Variants in PTPRT observed in about 807,000 individuals in gnomAD.
The protein encoded by PTPRT is protein tyrosine phosphatase receptor type T, also known as receptor-type tyrosine-protein phosphatase T.
Under a neutral mutation model 176.8 loss-of-function variants are expected in PTPRT, and 56 were observed. The ratio of observed to expected loss-of-function variants is 0.32; its 90% confidence interval spans 0.26 to 0.40. The LOEUF (loss-of-function observed/expected upper bound fraction) is 0.40. Ranked by LOEUF, PTPRT falls within the 10% of genes least tolerant of loss-of-function variation. The pLI is 1.00. For missense variants in PTPRT, 1,540 were observed against 1,908.2 expected, an observed-to-expected ratio of 0.81 and a Z score of 3.60; for synonymous variants, 783 against 739.0, an observed-to-expected ratio of 1.06 and a Z score of -0.96.
intron 1 of PTPRT, among the ~76,000 whole-genome samples, chr20:42,995,731 A>G (rs979226312): frequency 6.6e-6 from 1 of 152,142 alleles, no homozygotes; most frequent in Non-Finnish European, 1.5e-5. Context: ...TCTAAAAGCA[A>G]GAGCCTCTTG....
intron 1 of PTPRT, among the ~76,000 whole-genome samples, chr20:43,127,518 G>A (rs533961586): frequency 1.3e-4 from 20 of 151,848 alleles, no homozygotes; most frequent in Admixed American, 7.2e-4. Context: ...AGAGAAGCCC[G>A]GAGGTTCAAT....
chr20:42,633,793 AT>A (rs1433991136), intron 7 of PTPRT, among the ~76,000 whole-genome samples: 4 of 59,746 alleles, frequency 6.7e-5, no homozygotes, highest in African/African-American at 3.9e-4. Flanking sequence ...AAATATATAT[AT>A]ATATATATAT....
chr20:42,809,689 G>A (rs755584198), intron 2 of PTPRT, among the ~76,000 whole-genome samples: 3 of 152,074 alleles, frequency 2.0e-5, no homozygotes, highest in Non-Finnish European at 2.9e-5. Flanking sequence ...CCCTGAGGTC[G>A]TCTCTGCCTC....
chr20:42,831,046 G>A (rs561514277), intron 2 of PTPRT, among the ~76,000 whole-genome samples: 104 of 152,138 alleles, frequency 6.8e-4, no homozygotes, highest in Admixed American at 2.3e-3. Flanking sequence ...TATTCATATG[G>A]AACCAAAAGG....
chr20:42,448,443 T>G, intron 8 of PTPRT, 114 bp from the exon 9 acceptor site: 1 of 762,878 alleles, frequency 1.3e-6, no homozygotes, highest in South Asian at 1.6e-5. Context: ...TAGTAAATAT[T>G]TTAGGTCTGA....
chr20:43,051,726 C>G (rs1037652483), intron 1 of PTPRT, among the ~76,000 whole-genome samples: 1 of 150,582 alleles, frequency 6.6e-6, no homozygotes, highest in Admixed American at 6.6e-5. Context: ...AGCTGTATCT[C>G]TCTAGGAAAA....
intron 1 of PTPRT, among the ~76,000 whole-genome samples, chr20:43,166,344 C>T (rs932842202): frequency 6.6e-6 from 1 of 151,214 alleles, no homozygotes; most frequent in Non-Finnish European, 1.5e-5. Flanking sequence ...AAAAAAAAAC[C>T]CTCTATGGAT....
chr20:42,585,549 G>T (rs143524829), intron 7 of PTPRT, among the ~76,000 whole-genome samples: 71 of 152,182 alleles, frequency 4.7e-4, no homozygotes, highest in Non-Finnish European at 7.9e-4. Context: ...AGTCATAATA[G>T]TTAACACTGT....
At chr20:42,037,790 C>A in the PTPRT span, among the ~76,000 whole-genome samples, 1,224 of 152,284 alleles carry the variant, frequency 8.0e-3, 22 homozygotes, top group African/African-American at 0.028. Flanking sequence ...ACACATTTGG[C>A]AAACTCTTCC....
chr20:42,599,610 T>C (rs1192663052), intron 7 of PTPRT, among the ~76,000 whole-genome samples: 5 of 152,042 alleles, frequency 3.3e-5, no homozygotes, highest in Non-Finnish European at 5.9e-5. Flanking sequence ...CCCTCTGCAG[T>C]GGGATGATTT....
intron 7 of PTPRT, among the ~76,000 whole-genome samples, chr20:42,648,202 G>A (rs952297950): frequency 2.6e-5 from 4 of 152,002 alleles, no homozygotes; most frequent in South Asian, 2.1e-4. Flanking sequence ...TGCATCCAAG[G>A]AAAAAATGGC....
chr20:42,845,957 C>T (rs534600857), intron 2 of PTPRT, among the ~76,000 whole-genome samples: 1 of 152,120 alleles, frequency 6.6e-6, no homozygotes, highest in Non-Finnish European at 1.5e-5. Context: ...CTTGGCCCAG[C>T]ATAGGTCTAT....
chr20:43,048,494 G>C (rs889969881), intron 1 of PTPRT, among the ~76,000 whole-genome samples: 2 of 152,050 alleles, frequency 1.3e-5, no homozygotes, highest in African/African-American at 4.8e-5. Flanking sequence ...AGAGGTTCAG[G>C]GGGCCCACCT....
the PTPRT span, among the ~76,000 whole-genome samples, chr20:42,032,732 A>G: frequency 7.3e-5 from 11 of 151,532 alleles, no homozygotes; most frequent in African/African-American, 2.2e-4. Flanking sequence ...CCTTCTCTCT[A>G]TCTCTCTTGC....
chr20:42,981,058 T>C (rs1201395167), intron 1 of PTPRT, among the ~76,000 whole-genome samples: 1 of 152,360 alleles, frequency 6.6e-6, no homozygotes, highest in African/African-American at 2.4e-5. Context: ...CAAACACAGA[T>C]GGCCTGAGAA....
intron 7 of PTPRT, among the ~76,000 whole-genome samples, chr20:42,634,040 AT>A (rs1217375621): frequency 7.9e-4 from 24 of 30,254 alleles, no homozygotes; most frequent in African/African-American, 3.7e-3. Context: ...TATTATATAT[AT>A]TATATATATA....
chr20:42,844,390 C>T (rs903078938), intron 2 of PTPRT, among the ~76,000 whole-genome samples: 4 of 152,306 alleles, frequency 2.6e-5, no homozygotes, highest in South Asian at 2.1e-4. Flanking sequence ...GCCAAAGCTC[C>T]CACCGCCATA....
At chr20:42,804,759 T>C (rs2077580775) in intron 2 of PTPRT, among the ~76,000 whole-genome samples, 1 of 152,210 alleles carries the variant, frequency 6.6e-6, no homozygotes, top group Non-Finnish European at 1.5e-5. Flanking sequence ...ATCTTTGGCA[T>C]TCCTTGGGTT....
At chr20:42,040,732 A>G in the PTPRT span, among the ~76,000 whole-genome samples, 1 of 152,232 alleles carries the variant, frequency 6.6e-6, no homozygotes, top group Non-Finnish European at 1.5e-5. Context: ...TGACATAAAT[A>G]CATCAACAAA....
Sources: gnomAD v4.1 joint callset for allele counts (sites outside exome capture counted in the v4.1 genomes callset) on GRCh38, gnomAD v4.1.1 for gene constraint, MANE v1.5 for transcripts, NCBI Gene and HGNC (gene_info 2026-07-23, HGNC 2026-07-21) for gene names.